ARSD: variants seen among roughly 807,000 people sequenced by gnomAD.
The protein encoded by ARSD is arylsulfatase D.
A neutral mutation model predicts 32.6 loss-of-function variants in ARSD; 21 were observed. That is an observed-to-expected ratio of 0.64 (90% CI 0.46 to 0.93). ARSD has a LOEUF of 0.93. Among genes scored for constraint, ARSD ranks in the 40% least tolerant of loss-of-function variants. The pLI is 0.00. For synonymous variants in ARSD, 224 were observed against 237.4 expected (o/e 0.94, Z 0.52); for missense variants, 454 against 520.9 (o/e 0.87, Z 1.25).
intron 5 of ARSD, among the ~76,000 whole-genome samples, chrX:2,916,365 G>T (rs2088960483): frequency 9.2e-6 from 1 of 109,221 alleles, no homozygotes; most frequent in Non-Finnish European, 1.9e-5. Flanking sequence ...GGGTGGGGTG[G>T]CAGGTGCCTG....
At chrX:2,921,818 T>G in intron 3 of ARSD, 85 bp downstream of exon 3, 3 of 1,091,884 alleles carry the variant, frequency 2.7e-6, no homozygotes, top group Non-Finnish European at 3.7e-6. Flanking sequence ...CCCCTGTATC[T>G]TCACCATCAG....
At chrX:2,918,521 C>A (rs777785003) in intron 4 of ARSD, among the ~76,000 whole-genome samples, 1 of 111,294 alleles carries the variant, frequency 9.0e-6, no homozygotes, top group Non-Finnish European at 1.9e-5. Context: ...GAGGCCGAGG[C>A]GGGCGGATCA....
chrX:2,914,851 G>A, intron 6 of ARSD: 2 of 996,055 alleles, frequency 2.0e-6, no homozygotes, highest in Non-Finnish European at 2.6e-6. Flanking sequence ...TGATATGGGA[G>A]TGTGTTCTGC....
chrX:2,916,360 G>T (rs113419802), intron 5 of ARSD, among the ~76,000 whole-genome samples: 7,447 of 108,483 alleles, frequency 0.069, 563 homozygotes, highest in African/African-American at 0.22. Flanking sequence ...TAACAGGGTG[G>T]GGTGGCAGGT....
At chrX:2,908,402 T>C (rs1047819208) in intron 9 of ARSD, among the ~76,000 whole-genome samples, 17 of 110,228 alleles carry the variant, frequency 1.5e-4, no homozygotes, top group African/African-American at 5.6e-4. Flanking sequence ...ATCTATCCAT[T>C]ATCTATCATC....
chrX:2,913,484 G>A lies in ARSD; in HGVS notation c.1000+2072C>T, dbSNP rs771851095. 3.8e-4 allele frequency: 346 copies of A among 915,159 alleles called. 1 individual carries two copies. Among genetic ancestry groups the A allele is most frequent in the Middle Eastern group, 4.6e-4 (1 of 2,175 alleles). The allele number at this position is 915,159 out of a possible 1,213,427, so 75.4% of individuals were successfully genotyped here. A position where few individuals can be genotyped will look rare whatever the true frequency, so the allele number is the denominator to read the frequency against. ...ATTCAGATGGTTGTGGGGGGCCTTCGAATTTATTTTTGGTTTACACTGTGA... is the reference window on the plus strand; with the variant it reads ...ATTCAGATGGTTGTGGGGGGCCTTCAAATTTATTTTTGGTTTACACTGTGA... On this transcript the variant is annotated intron_variant, in intron 6 of 9. Coordinates refer to ENST00000381154, the MANE Select transcript of ARSD (RefSeq NM_001669.4).
chrX:2,925,580 C>T, intron 2 of ARSD, 36 bp downstream of exon 2: 2 of 1,192,578 alleles, frequency 1.7e-6, no homozygotes, highest in Non-Finnish European at 2.3e-6. Flanking sequence ...GTCAAACTCA[C>T]ATAACATCAT....
At chrX:2,927,838 A>G (rs899843284) in intron 1 of ARSD, among the ~76,000 whole-genome samples, 2 of 111,239 alleles carry the variant, frequency 1.8e-5, no homozygotes, top group Non-Finnish European at 3.8e-5. Flanking sequence ...GCCTGCAACC[A>G]ATCAGACTGA....
chrX:2,906,136 ATTTTTTTTTTTT>A lies in ARSD; in HGVS notation c.*1123_*1134del, dbSNP rs3078565. 2.2e-5 allele frequency: 2 copies of A among 90,666 alleles called. No homozygotes were observed. Among genetic ancestry groups the A allele is most frequent in the Non-Finnish European group, 4.3e-5 (2 of 46,246 alleles). 7.5% of individuals were successfully genotyped at this position (90,666 alleles called of 1,213,427 possible). A position where few individuals can be genotyped will look rare whatever the true frequency, so the allele number is the denominator to read the frequency against. ...CTTCTCTTATTATTTTCTTTAAGGC[ATTTTTTTTTTTT>A]TTTTTTTAAGGCAGGGTCTTACTCT... On this transcript the variant is annotated 3_prime_UTR_variant, in exon 10 of 10. Coordinates refer to ENST00000381154, the MANE Select transcript of ARSD (RefSeq NM_001669.4).
intron 6 of ARSD, 39 bp from the exon 7 acceptor site, chrX:2,910,832 AAGC>A: frequency 8.4e-7 from 1 of 1,192,321 alleles, no homozygotes; most frequent in Non-Finnish European, 1.1e-6. Flanking sequence ...CAAGAAAACA[AAGC>A]AGCATCCACT....
At chrX:2,925,056 C>T (rs1037297250) in intron 2 of ARSD, among the ~76,000 whole-genome samples, 8 of 112,655 alleles carry the variant, frequency 7.1e-5, no homozygotes, top group Non-Finnish European at 1.3e-4. Context: ...GAAGTACCGG[C>T]GGTTAGGGCT....
At chrX:2,924,028 A>AGATT (rs952999675) in intron 2 of ARSD, among the ~76,000 whole-genome samples, 4 of 112,230 alleles carry the variant, frequency 3.6e-5, no homozygotes, top group Non-Finnish European at 7.5e-5. Context: ...GACAGGGGGC[A>AGATT]GATTGATTGA....
chrX:2,910,906 G>T, intron 6 of ARSD, 113 bp from the exon 7 acceptor site: 1 of 895,470 alleles, frequency 1.1e-6, no homozygotes. Flanking sequence ...CATAAGAAGA[G>T]ACCACACTTA....
intron 2 of ARSD, among the ~76,000 whole-genome samples, chrX:2,922,622 G>A (rs2089039135): frequency 9.2e-6 from 1 of 109,056 alleles, no homozygotes; most frequent in Non-Finnish European, 1.9e-5. Context: ...ATCACTTGAG[G>A]TCAGGAGTTC....
At chrX:2,925,210 C>T (rs1213980625) in intron 2 of ARSD, among the ~76,000 whole-genome samples, 4 of 111,654 alleles carry the variant, frequency 3.6e-5, no homozygotes, top group East Asian at 5.7e-4. Context: ...GATTAGGACA[C>T]AGACGCAGAG....
intron 1 of ARSD, among the ~76,000 whole-genome samples, chrX:2,927,831 T>C (rs1375143301): frequency 2.7e-5 from 3 of 111,264 alleles, no homozygotes; most frequent in Admixed American, 1.9e-4. Context: ...GGCTGCTGCC[T>C]GCAACCAATC....
chrX:2,927,975 A>C lies in ARSD; in HGVS notation c.44+1257T>G, dbSNP rs182074300. Among the ~76,000 whole-genome samples, 480 of 111,475 alleles carry C rather than the reference A, an allele frequency of 4.3e-3. 1 individual carries two copies. The highest frequency in any genetic ancestry group is 0.015 in the African/African-American group (458 of 30,720). On this transcript the variant is annotated intron_variant, in intron 1 of 9. Coordinates refer to ENST00000381154, the MANE Select transcript of ARSD (RefSeq NM_001669.4). Reference sequence around the variant, plus strand: ...GAGCCGCTGCTTGGTCGGCTCCCACACTGTGACGTGTCCTTTTGTTTTCAA... The same window carrying C: ...GAGCCGCTGCTTGGTCGGCTCCCACCCTGTGACGTGTCCTTTTGTTTTCAA...
chrX:2,922,811 C>A (rs1429769836), intron 2 of ARSD, among the ~76,000 whole-genome samples: 1 of 82,522 alleles, frequency 1.2e-5, no homozygotes, highest in Non-Finnish European at 2.2e-5. Flanking sequence ...GCACTCCAGC[C>A]TGGGTGAAAG....
chrX:2,909,505 A>G (rs2088882592), intron 8 of ARSD, among the ~76,000 whole-genome samples: 1 of 110,073 alleles, frequency 9.1e-6, no homozygotes, highest in African/African-American at 3.3e-5. Context: ...CTTTTTAATC[A>G]TAACAGACCC....
Sources: gnomAD v4.1 joint callset for allele counts (sites outside exome capture counted in the v4.1 genomes callset) on GRCh38, gnomAD v4.1.1 for gene constraint, MANE v1.5 for transcripts, NCBI Gene and HGNC (gene_info 2026-07-23, HGNC 2026-07-21) for gene names.